DAB1: variants seen among roughly 807,000 people sequenced by gnomAD.
DAB1 encodes the protein DAB adaptor protein 1, also known as disabled homolog 1.
In DAB1, 15 loss-of-function variants were observed where a neutral mutation model predicts 64.6. The observed-to-expected ratio is 0.23, with a 90% CI of 0.16 to 0.36. The LOEUF (loss-of-function observed/expected upper bound fraction) is 0.36. DAB1 is among the 10% of genes least tolerant of loss of function. The pLI, the probability that DAB1 is intolerant of heterozygous loss-of-function variation, is 1.00. For missense variants in DAB1, 596 were observed against 706.7 expected, an observed-to-expected ratio of 0.84 and a Z score of 1.78; for synonymous variants, 235 against 251.9, an observed-to-expected ratio of 0.93 and a Z score of 0.64.
At chr1:57,811,859 A>G (rs1651636408) in intron 6 of DAB1, among the ~76,000 whole-genome samples, 1 of 152,150 alleles carries the variant, frequency 6.6e-6, no homozygotes, top group Admixed American at 6.5e-5. Context: ...GACTGTTGAC[A>G]ATGCTGTTCT....
chr1:58,455,952 C>G (rs1420541373), intron 3 of DAB1, among the ~76,000 whole-genome samples: 1 of 152,214 alleles, frequency 6.6e-6, no homozygotes, highest in East Asian at 1.9e-4. Flanking sequence ...CCGAGTCAGC[C>G]CAGAGCAGGG....
At chr1:57,823,017 C>G (rs1652190361), downstream of DAB1, among the ~76,000 whole-genome samples, 1 of 140,608 alleles carries the variant, frequency 7.1e-6, no homozygotes, top group Non-Finnish European at 1.5e-5. Flanking sequence ...TGGAGTCTCA[C>G]TCTGTCACCC....
chr1:57,615,026 C>T (rs951574358), intron 7 of DAB1, among the ~76,000 whole-genome samples: 16 of 151,838 alleles, frequency 1.1e-4, no homozygotes, highest in Non-Finnish European at 7.4e-5. Flanking sequence ...CCCACCACCG[C>T]GCCTGGCTAA....
intron 1 of DAB1, among the ~76,000 whole-genome samples, chr1:57,843,283 A>G (rs888963584): frequency 2.0e-5 from 3 of 152,162 alleles, no homozygotes; most frequent in East Asian, 1.9e-4. Flanking sequence ...TGCACCTTGC[A>G]TGGTTCTTTG....
intron 7 of DAB1, among the ~76,000 whole-genome samples, chr1:57,498,366 C>A (rs752953700): frequency 2.0e-5 from 3 of 152,076 alleles, no homozygotes; most frequent in Non-Finnish European, 4.4e-5. Flanking sequence ...CATGGTGGAA[C>A]CTTAGGAAAC....
At chr1:58,477,511 G>A (rs926228355) in intron 3 of DAB1, among the ~76,000 whole-genome samples, 2 of 152,084 alleles carry the variant, frequency 1.3e-5, no homozygotes, top group Non-Finnish European at 2.9e-5. Flanking sequence ...TCATCAGCTT[G>A]AATGTTGGAT....
chr1:57,331,954 T>TTTTG (rs1676708316), intron 1 of DAB1, among the ~76,000 whole-genome samples: 1 of 152,150 alleles, frequency 6.6e-6, no homozygotes, highest in African/African-American at 2.4e-5. Flanking sequence ...TCTAAGAGTT[T>TTTTG]TTTGTTTGCT....
At chr1:58,395,460 A>G (rs1224758429) in intron 3 of DAB1, among the ~76,000 whole-genome samples, 2 of 152,144 alleles carry the variant, frequency 1.3e-5, no homozygotes, top group Non-Finnish European at 2.9e-5. Flanking sequence ...TCCTTCTTTA[A>G]CTTTCTATGA....
intron 1 of DAB1, among the ~76,000 whole-genome samples, chr1:57,855,696 CAAG>C (rs1389331095): frequency 4.6e-5 from 7 of 152,050 alleles, no homozygotes; most frequent in Non-Finnish European, 1.0e-4. Flanking sequence ...TCAGAGTGAA[CAAG>C]AAGAAAAGTG....
chr1:57,004,471 T>A (rs766621869), intron 14 of DAB1, among the ~76,000 whole-genome samples: 9 of 152,184 alleles, frequency 5.9e-5, no homozygotes, highest in Admixed American at 6.5e-5. Flanking sequence ...TGGTGCGCCA[T>A]GCAATCAGCT....
intron 1 of DAB1, among the ~76,000 whole-genome samples, chr1:57,847,718 T>C (rs1272759209): frequency 1.3e-5 from 2 of 152,082 alleles, no homozygotes; most frequent in African/African-American, 4.8e-5. Context: ...TGTCAAAATA[T>C]ATAAAGAAAA....
At chr1:58,461,900 T>C (rs1316916142) in intron 3 of DAB1, among the ~76,000 whole-genome samples, 1 of 152,200 alleles carries the variant, frequency 6.6e-6, no homozygotes, top group Non-Finnish European at 1.5e-5. Context: ...ATCATGTTTC[T>C]GACAATTACA....
intron 4 of DAB1, among the ~76,000 whole-genome samples, chr1:58,185,419 C>A (rs189918769): frequency 8.5e-4 from 130 of 152,292 alleles, no homozygotes; most frequent in Non-Finnish European, 5.1e-4. Context: ...ACTGTCATGT[C>A]AAGTTGTGGT....
chr1:58,273,829 C>T (rs1243288730), intron 4 of DAB1, among the ~76,000 whole-genome samples: 3 of 112,360 alleles, frequency 2.7e-5, no homozygotes, highest in African/African-American at 7.0e-5. Flanking sequence ...GCATTCTTCA[C>T]GTATTTCTCG....
At chr1:57,599,997 G>A (rs530771033) in intron 7 of DAB1, among the ~76,000 whole-genome samples, 8 of 152,174 alleles carry the variant, frequency 5.3e-5, no homozygotes, top group East Asian at 1.9e-4. Context: ...ATGTCCTCTG[G>A]CCCTCTAAAG....
intron 5 of DAB1, among the ~76,000 whole-genome samples, chr1:58,109,143 CT>C (rs1570362700): frequency 6.6e-6 from 1 of 152,306 alleles, no homozygotes; most frequent in Non-Finnish European, 1.5e-5. Context: ...CTTTTAACTG[CT>C]TCACATATGG....
intron 1 of DAB1, among the ~76,000 whole-genome samples, chr1:57,399,385 T>C (rs1046929236): frequency 6.6e-6 from 1 of 152,212 alleles, no homozygotes; most frequent in African/African-American, 2.4e-5. Flanking sequence ...TTTCCTGATC[T>C]CAAGATGGAA....
At chr1:58,133,425 C>T (rs1553162400) in intron 5 of DAB1, among the ~76,000 whole-genome samples, 3 of 152,168 alleles carry the variant, frequency 2.0e-5, no homozygotes, top group African/African-American at 4.8e-5. Flanking sequence ...AGATCCTGCT[C>T]TCTGGGTTAT....
chr1:57,053,253 T>G (rs72903382), intron 9 of DAB1, among the ~76,000 whole-genome samples: 3,748 of 152,158 alleles, frequency 0.025, 147 homozygotes, highest in African/African-American at 0.085. Flanking sequence ...AAACGAAAAT[T>G]TTTTAAAAAA....
Sources: allele counts gnomAD v4.1 joint callset (sites outside exome capture counted in the v4.1 genomes callset), GRCh38; gene constraint gnomAD v4.1.1; transcripts MANE v1.5; gene names NCBI Gene and HGNC (gene_info 2026-07-23, HGNC 2026-07-21).